PRDM10: variants seen among roughly 807,000 people sequenced by gnomAD.
PRDM10 encodes the protein PR domain zinc finger protein 10.
A neutral mutation model predicts 133.1 loss-of-function variants in PRDM10; 65 were observed. That is an observed-to-expected ratio of 0.49 (90% CI 0.40 to 0.60). The LOEUF is 0.60. Ranked by LOEUF, PRDM10 falls within the 20% of genes least tolerant of loss-of-function variation. PRDM10 has a pLI of 0.00. For missense variants in PRDM10, 1,137 were observed against 1,507.1 expected (o/e 0.75, Z 4.07); for synonymous variants, 582 against 580.4 (o/e 1.00, Z -0.04).
chr11:129,979,464 A>G (rs888385285), intron 1 of PRDM10, among the ~76,000 whole-genome samples: 1 of 152,062 alleles, frequency 6.6e-6, no homozygotes, highest in Non-Finnish European at 1.5e-5. Flanking sequence ...AGTCTTTCTG[A>G]CTGTAAGACT....
At chr11:130,002,383 G>A (rs1939467313) in intron 1 of PRDM10, among the ~76,000 whole-genome samples, 1 of 152,112 alleles carries the variant, frequency 6.6e-6, no homozygotes, top group Non-Finnish European at 1.5e-5. Context: ...CGAGGCCGGC[G>A]CTGAACGCGG....
At chr11:129,914,623 A>G (rs1950295055) in intron 17 of PRDM10, 81 bp downstream of exon 17, 1 of 1,568,662 alleles carries the variant, frequency 6.4e-7, no homozygotes, top group Admixed American at 1.7e-5. Flanking sequence ...CATTACATAG[A>G]TCCCAGCCCC....
Position 129,923,260 on chromosome 11 carries a change from C to A in PRDM10, c.2022G>T (p.Gly674=). The change falls in exon 13 of 21, where the codon GGG becomes GGT. Residue 674 remains glycine, a synonymous_variant. Coordinates refer to ENST00000360871, the MANE Select transcript of PRDM10 (RefSeq NM_199437.2). The surrounding 1 kb of genome is among the most constrained non-coding windows in gnomAD (Gnocchi z 4.4). The part of the protein sequence containing the change: ...DRKDFLCSTC[G]KQFKRKDKLR... ...CTTGGTGTCATACCTTAAATTGCTT[C>A]CCACAGGTGGAACACAGGAAGTCTT... 6.3e-7 allele frequency: 1 copy of A among 1,584,436 alleles called. No homozygotes were observed. The highest frequency in any genetic ancestry group is 2.3e-5 in the East Asian group (1 of 44,026).
chr11:129,990,511 G>A (rs1257090021), intron 1 of PRDM10, among the ~76,000 whole-genome samples: 3 of 98,626 alleles, frequency 3.0e-5, no homozygotes, highest in Admixed American at 1.6e-4. Context: ...GACAAAGTGA[G>A]ACTTTGTCTC....
At chr11:129,925,299 G>C in intron 11 of PRDM10, 70 bp from the exon 12 acceptor site, 2 of 1,369,524 alleles carry the variant, frequency 1.5e-6, no homozygotes, top group Non-Finnish European at 2.0e-6. Flanking sequence ...CACTTTTACA[G>C]AGAAAGAGAG....
intron 1 of PRDM10, among the ~76,000 whole-genome samples, chr11:129,987,927 G>C (rs764574201): frequency 6.6e-6 from 1 of 152,206 alleles, no homozygotes; most frequent in African/African-American, 2.4e-5. Context: ...CCTGAACCCA[G>C]GAGGCGGAGC....
chr11:129,921,711 G>A (rs149135686), intron 13 of PRDM10, among the ~76,000 whole-genome samples: 40 of 152,274 alleles, frequency 2.6e-4, no homozygotes, highest in Middle Eastern at 3.4e-3. Context: ...GCATGGTTCC[G>A]AGTTGGGGTT....
chr11:129,949,004 C>T (rs148607713), intron 4 of PRDM10, among the ~76,000 whole-genome samples: 68 of 152,294 alleles, frequency 4.5e-4, no homozygotes, highest in Non-Finnish European at 8.8e-4. Context: ...CATTTATCTC[C>T]AGTAAATTTC....
Position 129,918,679 on chromosome 11 carries a change from T to C in PRDM10, c.2074A>G (p.Asn692Asp). 2 of 1,614,116 alleles carry C rather than the reference T, an allele frequency of 1.2e-6. No homozygotes were observed. The highest frequency in any genetic ancestry group is 1.7e-6 in the Non-Finnish European group (2 of 1,179,968). The change falls in exon 14 of 21, where the codon AAT becomes GAT. Residue 692 changes from asparagine (N) to aspartate (D), a missense_variant. Around this residue, in one of 6 missense-constraint regions of PRDM10, gnomAD observed 78 missense variants for 96.4 expected, o/e 0.81. Transcript: ENST00000360871. The surrounding 1 kb of genome is among the most constrained non-coding windows in gnomAD (Gnocchi z 5.3). ...GCTTTCTTGGCCTCCCTCTCAGGAT[T>C]ATGCATCCTCTGCATGTGTTCCCGT... ...KLREHMQRMH[N>D]PEREAKKADR...
chr11:129,902,995 A>G (rs1313929738), intron 20 of PRDM10, among the ~76,000 whole-genome samples: 2 of 152,054 alleles, frequency 1.3e-5, no homozygotes, highest in Non-Finnish European at 2.9e-5. Context: ...AGCAAAATTT[A>G]AAAAAATAAT....
chr11:129,916,703 A>C (rs74828389), intron 15 of PRDM10, among the ~76,000 whole-genome samples: 4,370 of 152,322 alleles, frequency 0.029, 92 homozygotes, highest in South Asian at 0.073. Flanking sequence ...TAACTACATG[A>C]AAATAATGCA....
Position 129,910,611 on chromosome 11 carries a change from C to G in PRDM10, c.3028G>C (p.Gly1010Arg). 6.2e-7 allele frequency: 1 copy of G among 1,609,664 alleles called. No homozygotes were observed. Among genetic ancestry groups the G allele is most frequent in the Non-Finnish European group, 8.5e-7 (1 of 1,177,168 alleles). ...CCCTGGATGTGGGAGGGGCTGAGCCCCTGCTGAGCCTGCTGGGCTGAGGGA... is the reference window on the plus strand; with the variant it reads ...CCCTGGATGTGGGAGGGGCTGAGCCGCTGCTGAGCCTGCTGGGCTGAGGGA... ...LSPSAQQAQQ[G>R]LSPSHIQGSS... The change falls in exon 19 of 21, where the codon GGG becomes CGG. Residue 1010 changes from glycine (G) to arginine (R), a missense_variant. Around this residue, in one of 6 missense-constraint regions of PRDM10, gnomAD observed 243 missense variants for 259.2 expected, o/e 0.94. Coordinates refer to ENST00000360871, the MANE Select transcript of PRDM10 (RefSeq NM_199437.2).
At chr11:129,999,853 T>C in intron 1 of PRDM10, among the ~76,000 whole-genome samples, 1 of 152,174 alleles carries the variant, frequency 6.6e-6, no homozygotes, top group East Asian at 1.9e-4. Context: ...GTAATGAAAG[T>C]GCCCAATCAT....
At chr11:129,915,104 TAA>T (rs2135745787) in intron 16 of PRDM10, 86 bp from the exon 17 acceptor site, 2 of 1,384,044 alleles carry the variant, frequency 1.4e-6, no homozygotes, top group Non-Finnish European at 2.0e-6. Context: ...CAAAGATTCC[TAA>T]AGTCTTTTAT....
At chr11:129,957,639 T>C in intron 3 of PRDM10, 107 bp downstream of exon 3, 1 of 1,368,732 alleles carries the variant, frequency 7.3e-7, no homozygotes, top group Non-Finnish European at 9.9e-7. Flanking sequence ...CTTATCTGAA[T>C]ACGTACTGCA....
At position 129,947,194 on chromosome 11, in the gene PRDM10, C is replaced by T. The variant is rs761338281; in HGVS notation, c.471G>A (p.Leu157=). The T allele has an allele frequency of 1.7e-5, 27 of 1,614,198 alleles. No individual in the cohort carries two copies. Among genetic ancestry groups the T allele is most frequent in the Non-Finnish European group, 2.2e-5 (26 of 1,180,036 alleles). ...DEEEDGEDTD[L]DDWEPDPPRP... The stretch of plus-strand genomic sequence containing the variant: ...GGGGCGGGTCTGGCTCCCAGTCATC[C>T]AGATCCGTGTCCTCACCGTCTTCTT... The change falls in exon 5 of 21, where the codon CTG becomes CTA. Residue 157 remains leucine (L), a synonymous_variant. Coordinates refer to ENST00000360871, the MANE Select transcript of PRDM10 (RefSeq NM_199437.2). This position sits in a 1 kb window ranked among gnomAD's most constrained non-coding sequence, Gnocchi z 4.6.
Position 129,917,192 on chromosome 11 carries a change from C to A in PRDM10, c.2260G>T (p.Val754Leu). 6.2e-7 allele frequency: 1 copy of A among 1,613,752 alleles called. No individual in the cohort carries two copies. Among genetic ancestry groups the A allele is most frequent in the Non-Finnish European group, 8.5e-7 (1 of 1,179,766 alleles). ...ATGATGGGTAGAGTTAACTCTGGCACCTCTTCTATCTTCATGTCTGGGTGT... is the reference window on the plus strand; with the variant it reads ...ATGATGGGTAGAGTTAACTCTGGCAACTCTTCTATCTTCATGTCTGGGTGT... ...KRHPDMKIEEVPELTLPIIKP... is the reference protein window; with the variant it reads ...KRHPDMKIEELPELTLPIIKP... The change falls in exon 15 of 21, where the codon GTG (valine) becomes TTG (leucine). Residue 754 changes from valine (V) to leucine (L), a missense_variant. Physicochemically the swap from Val to Leu is conservative, Grantham distance 32. Transcript: ENST00000360871.
chr11:129,971,654 GT>G (rs1952028224), intron 1 of PRDM10, among the ~76,000 whole-genome samples: 1 of 150,746 alleles, frequency 6.6e-6, no homozygotes, highest in Admixed American at 6.6e-5. Flanking sequence ...TGTCGATTGG[GT>G]GCACTCACAA....
intron 1 of PRDM10, among the ~76,000 whole-genome samples, chr11:129,985,435 T>G (rs1334867423): frequency 6.6e-6 from 1 of 152,150 alleles, no homozygotes; most frequent in African/African-American, 2.4e-5. Flanking sequence ...GGAACTCAGC[T>G]GCTCCCAAGC....
Sources: gnomAD v4.1 joint callset for allele counts (sites outside exome capture counted in the v4.1 genomes callset) on GRCh38, gnomAD v4.1.1 for gene constraint, gnomAD v4.1.1 regional missense constraint, Gnocchi (gnomAD v3.1) non-coding constraint, MANE v1.5 for transcripts, NCBI Gene and HGNC (gene_info 2026-07-23, HGNC 2026-07-21) for gene names.